The following SCN3A variants were observed in gnomAD, a reference collection of about 807,000 sequenced individuals.
SCN3A encodes sodium channel protein type 3 subunit alpha.
Under a neutral mutation model 187.6 loss-of-function variants are expected in SCN3A, and 60 were observed. That is an observed-to-expected ratio of 0.32 (90% CI 0.26 to 0.40). SCN3A has a LOEUF of 0.40. SCN3A is among the 10% of genes least tolerant of loss of function. The probability of loss-of-function intolerance (pLI) is 1.00; values close to 1 mark genes in which losing one functional copy is unlikely to be tolerated. For synonymous variants in SCN3A, 788 were observed against 829.2 expected, an observed-to-expected ratio of 0.95 and a Z score of 0.85; for missense variants, 1,601 against 2,428.2, an observed-to-expected ratio of 0.66 and a Z score of 7.16.
Position 165,127,790 on chromosome 2 carries a change from G to C in SCN3A, c.3234C>G (p.Ser1078Arg). Reference sequence around the variant, plus strand: ...CATCGATTACGTATTTTTCAACACTGCTTCCAGTACCTACACCACTGGTGG... The same window carrying C: ...CATCGATTACGTATTTTTCAACACTCCTTCCAGTACCTACACCACTGGTGG... ...NGTTSGVGTGSSVEKYVIDEN... is the reference protein window; with the variant it reads ...NGTTSGVGTGRSVEKYVIDEN... Residue 1078 changes from serine (S) to arginine (R), a missense_variant, in exon 18 of 28, where the codon AGC becomes AGG. Around this residue, in one of 11 missense-constraint regions of SCN3A, gnomAD observed 267 missense variants for 313.2 expected, o/e 0.85. Transcript: ENST00000283254. The C allele has an allele frequency of 6.2e-7, 1 of 1,614,080 alleles. No individual in the cohort carries two copies. The highest frequency in any genetic ancestry group is 1.1e-5 in the South Asian group (1 of 91,080).
chr2:165,094,290 A>G lies in SCN3A; in HGVS notation c.4536+84T>C, dbSNP rs996615674. 17 of 967,006 alleles carry G rather than the reference A, an allele frequency of 1.8e-5. No homozygotes were observed. In the African/African-American group the frequency reaches 2.6e-4, roughly 15 times the overall value. The allele number at this position is 967,006 out of a possible 1,614,324, so 59.9% of individuals were successfully genotyped here. ...GGGCTCAATATTGGTGATATCACCT[A>G]ATATGTTCTGCTCCAGAGCATTGCT... On this transcript the variant is annotated intron_variant, in intron 26 of 27. Transcript: ENST00000283254.
At chr2:165,182,598 T>C (rs1454504052) in intron 2 of SCN3A, among the ~76,000 whole-genome samples, 1 of 152,074 alleles carries the variant, frequency 6.6e-6, no homozygotes, top group African/African-American at 2.4e-5. Flanking sequence ...TGATAGGAGA[T>C]GTGAATTAAA....
intron 5 of SCN3A, among the ~76,000 whole-genome samples, chr2:165,166,404 C>G (rs1266965779): frequency 1.1e-5 from 1 of 95,100 alleles, no homozygotes; most frequent in African/African-American, 5.7e-5. Flanking sequence ...ATCAAGCTGT[C>G]AATTCTGTCT....
intron 2 of SCN3A, among the ~76,000 whole-genome samples, chr2:165,182,706 T>C (rs1421264612): frequency 2.6e-5 from 4 of 152,118 alleles, no homozygotes; most frequent in Admixed American, 1.3e-4. Context: ...TGATAATAAA[T>C]TCTGTTTGGA....
chr2:165,114,510 C>A lies in SCN3A; in HGVS notation c.3515-540G>T, dbSNP rs539616658. On this transcript the variant is annotated intron_variant, in intron 19 of 27. Coordinates refer to ENST00000283254, the MANE Select transcript of SCN3A (RefSeq NM_006922.4). ...AGTATCTCTTTCCCTTTGTCCTCCC[C>A]CTCCTAGCTTTCGCATTATTTCTAA... Among the ~76,000 whole-genome samples, 162 of 152,278 alleles carry A rather than the reference C, an allele frequency of 1.1e-3. 1 individual carries two copies. The highest frequency in any genetic ancestry group is 1.9e-3 in the Non-Finnish European group (129 of 68,026).
chr2:165,155,582 A>T (rs1282213945), intron 10 of SCN3A, among the ~76,000 whole-genome samples, 180 bp downstream of exon 10: 2 of 152,020 alleles, frequency 1.3e-5, no homozygotes, highest in Admixed American at 1.3e-4. Context: ...GTATTTTGGT[A>T]GAGATGGGGT....
intron 21 of SCN3A, among the ~76,000 whole-genome samples, chr2:165,106,102 G>C (rs987232312): frequency 2.0e-5 from 3 of 152,076 alleles, no homozygotes; most frequent in Admixed American, 6.6e-5. Flanking sequence ...TTCATCCCTG[G>C]GAAAAGGATG....
chr2:165,179,388 T>C (rs1370647574), intron 2 of SCN3A, among the ~76,000 whole-genome samples: 1 of 152,200 alleles, frequency 6.6e-6, no homozygotes, highest in African/African-American at 2.4e-5. Flanking sequence ...TTAATTGGAT[T>C]CTCCTGGTTG....
At chr2:165,159,832 A>C (rs1425015847) in intron 9 of SCN3A, among the ~76,000 whole-genome samples, 1 of 137,094 alleles carries the variant, frequency 7.3e-6, no homozygotes, top group African/African-American at 3.0e-5. Flanking sequence ...GCTTAAATAC[A>C]AAATGGTTTT....
rs1685056961 is a variant in SCN3A, at chr2:165,090,792, C to T, written c.5361G>A (p.Glu1787=). The part of the protein sequence containing the change: ...ATEESAEPLS[E]DDFEMFYEVW... ...CCTCATAGAACATCTCAAAGTCATC[C>T]TCACTCAGGGGCTCTGCACTTTCTT... Residue 1787 remains glutamate, a synonymous_variant, in exon 28 of 28, where the codon GAG becomes GAA. Transcript: ENST00000283254. This position sits in a 1 kb window ranked among gnomAD's most constrained non-coding sequence, Gnocchi z 4.0. 1 of 1,613,970 alleles carries T rather than the reference C, an allele frequency of 6.2e-7. No homozygotes were observed. The highest frequency in any genetic ancestry group is 1.7e-5 in the Admixed American group (1 of 59,980).
intron 12 of SCN3A, among the ~76,000 whole-genome samples, chr2:165,142,026 G>A (rs1051884577): frequency 6.6e-6 from 1 of 152,074 alleles, no homozygotes; most frequent in African/African-American, 2.4e-5. Context: ...GTGTATTCTT[G>A]TCTTGCAGAT....
intron 5 of SCN3A, among the ~76,000 whole-genome samples, chr2:165,166,575 C>G (rs1689771573): frequency 6.6e-6 from 1 of 152,200 alleles, no homozygotes; most frequent in Admixed American, 6.5e-5. Flanking sequence ...ACATTCCCCT[C>G]ACTATATAAT....
At position 165,091,126 on chromosome 2, in the gene SCN3A, T is replaced by C; in HGVS notation, c.5027A>G (p.Asn1676Ser). The change falls in exon 28 of 28, where the codon AAC (asparagine) becomes AGC (serine). Residue 1676 changes from asparagine (N) to serine (S), a missense_variant. By Grantham distance (46) the Asn-to-Ser change is conservative. Around this residue, in one of 11 missense-constraint regions of SCN3A, gnomAD observed 320 missense variants for 623.2 expected, o/e 0.51. Coordinates refer to ENST00000283254, the MANE Select transcript of SCN3A (RefSeq NM_006922.4). ...AGCTTCCTTTTTAACATAGGCAAAG[T>C]TGGACATCCCAAAGATGGCATAGAT... The part of the protein sequence containing the change: ...MFIYAIFGMS[N>S]FAYVKKEAGI... 2 of 1,614,020 alleles carry C rather than the reference T, an allele frequency of 1.2e-6. No individual in the cohort carries two copies. Among genetic ancestry groups the C allele is most frequent in the South Asian group, 1.1e-5 (1 of 91,078 alleles).
intron 12 of SCN3A, 28 bp from the exon 13 acceptor site, chr2:165,141,026 TG>T: frequency 6.6e-7 from 1 of 1,516,676 alleles, no homozygotes; most frequent in Non-Finnish European, 9.2e-7. Context: ...AGGAAAGGAA[TG>T]GGATGGGGGT....
intron 18 of SCN3A, among the ~76,000 whole-genome samples, chr2:165,118,470 C>T (rs530391012): frequency 3.3e-5 from 5 of 152,146 alleles, no homozygotes; most frequent in South Asian, 2.1e-4. Context: ...GCTTAGAAGA[C>T]GGTAGATTAG....
Position 165,112,980 on chromosome 2 carries a change from T to C in SCN3A, c.3748A>G (p.Ile1250Val). 1 of 1,613,146 alleles carries C rather than the reference T, an allele frequency of 6.2e-7. No individual in the cohort carries two copies. The highest frequency in any genetic ancestry group is 8.5e-7 in the Non-Finnish European group (1 of 1,179,430). ...TTGAGAAGCATTTCCAGAATGAATA[T>C]ATAGGTAAAGACTTTGTCAGCATAT... is the stretch of plus-strand genomic sequence containing the variant. ...LEYADKVFTY[I>V]FILEMLLKWV... Residue 1250 changes from isoleucine (I) to valine (V), a missense_variant, in exon 21 of 28, where the codon ATA becomes GTA. Physicochemically the swap from Ile to Val is conservative, Grantham distance 29 (BLOSUM62 3). Transcript: ENST00000283254.
At chr2:165,168,581 AG>A (rs1689920255) in intron 5 of SCN3A, among the ~76,000 whole-genome samples, 154 bp downstream of exon 5, 1 of 152,066 alleles carries the variant, frequency 6.6e-6, no homozygotes, top group Non-Finnish European at 1.5e-5. Flanking sequence ...GTAGAAGAAT[AG>A]CTCCCCCAAA....
At chr2:165,100,939 C>T (rs951613359) in intron 21 of SCN3A, among the ~76,000 whole-genome samples, 3 of 152,108 alleles carry the variant, frequency 2.0e-5, no homozygotes, top group African/African-American at 4.8e-5. Context: ...ACATGTCTAA[C>T]GCTGTCTGGT....
chr2:165,198,390 T>C (rs1413791164), intron 1 of SCN3A, among the ~76,000 whole-genome samples: 1 of 151,964 alleles, frequency 6.6e-6, no homozygotes, highest in African/African-American at 2.4e-5. Context: ...GCGGTTTATT[T>C]TCCCCAACTG....
Sources: gnomAD v4.1 joint callset for allele counts (sites outside exome capture counted in the v4.1 genomes callset) on GRCh38, gnomAD v4.1.1 for gene constraint, gnomAD v4.1.1 regional missense constraint, Gnocchi (gnomAD v3.1) non-coding constraint, MANE v1.5 for transcripts, NCBI Gene and HGNC (gene_info 2026-07-23, HGNC 2026-07-21) for gene names.